Variants in EIF2AK4 observed in about 807,000 individuals in gnomAD.
EIF2AK4 encodes the protein eIF-2-alpha kinase GCN2.
A neutral mutation model predicts 211.1 loss-of-function variants in EIF2AK4; 139 were observed. That is an observed-to-expected ratio of 0.66 (90% CI 0.57 to 0.76). The LOEUF (loss-of-function observed/expected upper bound fraction) is 0.76. Ranked by LOEUF, EIF2AK4 falls within the 30% of genes least tolerant of loss-of-function variation. The probability of loss-of-function intolerance (pLI) is 0.00; values close to 1 mark genes in which losing one functional copy is unlikely to be tolerated. For synonymous variants in EIF2AK4, 710 were observed against 751.3 expected (o/e 0.94, Z 0.90); for missense variants, 1,664 against 2,043.8 (o/e 0.81, Z 3.58).
At chr15:39,967,319 T>G in intron 8 of EIF2AK4, 25 bp from the exon 9 acceptor site, 1 of 423,012 alleles carries the variant, frequency 2.4e-6, no homozygotes, top group South Asian at 8.4e-5. Context: ...CCCAATATTC[T>G]TTTTTTTTTT....
intron 1 of EIF2AK4, among the ~76,000 whole-genome samples, chr15:39,934,622 CCATAA>C (rs972883314): frequency 6.6e-6 from 1 of 152,206 alleles, no homozygotes; most frequent in Non-Finnish European, 1.5e-5. Context: ...TGCCTACATC[CCATAA>C]CATAACTGCC....
chr15:40,014,172 G>A (rs886288751), intron 27 of EIF2AK4, among the ~76,000 whole-genome samples: 1 of 152,234 alleles, frequency 6.6e-6, no homozygotes, highest in African/African-American at 2.4e-5. Context: ...AGGCTCCCAT[G>A]GCCTTGGGCA....
intron 21 of EIF2AK4, chr15:40,002,504 T>C (rs1410003126): frequency 1.2e-5 from 6 of 496,756 alleles, no homozygotes; most frequent in Non-Finnish European, 2.2e-5. Flanking sequence ...TTCCCATTGG[T>C]TGAAAGGTTA....
chr15:39,953,168 T>C lies in EIF2AK4; in HGVS notation c.514-736T>C, dbSNP rs897910967. On this transcript the variant is annotated intron_variant, in intron 4 of 38. Coordinates refer to ENST00000263791, the MANE Select transcript of EIF2AK4 (RefSeq NM_001013703.4). ...GCCGGGAGTCTGTAGTTTATTATTG[T>C]CCTTGTTGTTAGGAAGGCTAATTTT... Among the ~76,000 whole-genome samples the C allele has an allele frequency of 7.2e-5, 11 of 152,206 alleles. 1 individual carries two copies. The highest frequency in any genetic ancestry group is 3.9e-4 in the Admixed American group (6 of 15,286).
intron 18 of EIF2AK4, among the ~76,000 whole-genome samples, chr15:39,995,040 C>G (rs1420440504): frequency 1.3e-5 from 2 of 152,080 alleles, no homozygotes; most frequent in Non-Finnish European, 2.9e-5. Flanking sequence ...CAGGGTTTCA[C>G]CATGTTGGCC....
At chr15:40,015,250 A>T (rs1174772822) in intron 27 of EIF2AK4, among the ~76,000 whole-genome samples, 1 of 152,054 alleles carries the variant, frequency 6.6e-6, no homozygotes. Context: ...ACCGGTACCA[A>T]TTTACTGTAT....
At chr15:39,998,647 A>G in intron 19 of EIF2AK4, 84 bp from the exon 20 acceptor site, 4 of 1,083,448 alleles carry the variant, frequency 3.7e-6, no homozygotes, top group Non-Finnish European at 5.5e-6. Flanking sequence ...TTATTTCTGT[A>G]TTTGATTTTC....
intron 36 of EIF2AK4, 105 bp from the exon 37 acceptor site, chr15:40,032,652 C>T: frequency 9.9e-7 from 1 of 1,014,264 alleles, no homozygotes; most frequent in Non-Finnish European, 1.5e-6. Context: ...AATAGCATCT[C>T]AGACTCTGCA....
At chr15:39,935,224 G>A (rs889682825) in intron 1 of EIF2AK4, among the ~76,000 whole-genome samples, 4 of 152,082 alleles carry the variant, frequency 2.6e-5, no homozygotes, top group Non-Finnish European at 5.9e-5. Flanking sequence ...ATTAAGGCAC[G>A]TTATAAAGTA....
intron 4 of EIF2AK4, among the ~76,000 whole-genome samples, chr15:39,952,844 T>C (rs945843919): frequency 1.1e-4 from 17 of 152,152 alleles, no homozygotes; most frequent in African/African-American, 4.1e-4. Context: ...TTTTTATTAT[T>C]TTTATTTTAT....
intron 16 of EIF2AK4, chr15:39,991,270 C>G (rs1451043662): frequency 1.3e-5 from 2 of 152,256 alleles, no homozygotes; most frequent in African/African-American, 4.8e-5. Context: ...CGATCATGCT[C>G]CCCATGGAGT....
chr15:40,034,301 T>TA (rs779424267), intron 37 of EIF2AK4, 25 bp from the exon 38 acceptor site: 7 of 1,594,006 alleles, frequency 4.4e-6, no homozygotes, highest in Non-Finnish European at 6.0e-6. Flanking sequence ...GACCTGTTGT[T>TA]AAGTCTTATC....
In EIF2AK4 at chr15:39,985,904, G is replaced by C. The variant is rs1394234939; in HGVS notation, c.2403+16G>C. 1 of 1,612,006 alleles carries C rather than the reference G, an allele frequency of 6.2e-7. No individual in the cohort carries two copies. Among genetic ancestry groups the C allele is most frequent in the Non-Finnish European group, 8.5e-7 (1 of 1,178,672 alleles). ...ATACATCCAGGTGAGGTCGTGGTGT[G>C]TAGTTAGGTGACACAGCAACACCCA... is the stretch of plus-strand genomic sequence containing the variant. On this transcript the variant is annotated intron_variant, in intron 14 of 38. Transcript: ENST00000263791.
In EIF2AK4 at chr15:39,967,867, A is replaced by G; in HGVS notation, c.1541A>G (p.Asp514Gly). 6.2e-7 allele frequency: 1 copy of G among 1,613,588 alleles called. No homozygotes were observed. The highest frequency in any genetic ancestry group is 8.5e-7 in the Non-Finnish European group (1 of 1,179,604). The change falls in exon 9 of 39, where the codon GAT (aspartate) becomes GGT (glycine). Residue 514 changes from aspartate (D) to glycine (G), a missense_variant. Transcript: ENST00000263791. ...IPSDLPADFQ[D>G]FLKKCVCLDD... ...AGTGACTTACCAGCTGACTTTCAAGATTTTCTAAAGAAGTGAGTATCACTG... is the reference window on the plus strand; with the variant it reads ...AGTGACTTACCAGCTGACTTTCAAGGTTTTCTAAAGAAGTGAGTATCACTG...
At chr15:39,963,008 T>C (rs1278575237) in intron 7 of EIF2AK4, among the ~76,000 whole-genome samples, 2 of 152,212 alleles carry the variant, frequency 1.3e-5, no homozygotes, top group Non-Finnish European at 2.9e-5. Flanking sequence ...TGGGATCTTT[T>C]CCCCTTCCTC....
At chr15:39,983,774 G>A (rs776129906) in intron 13 of EIF2AK4, among the ~76,000 whole-genome samples, 5 of 152,180 alleles carry the variant, frequency 3.3e-5, no homozygotes, top group Non-Finnish European at 5.9e-5. Flanking sequence ...TGGACAGATT[G>A]CAAAAATTTT....
intron 23 of EIF2AK4, 65 bp downstream of exon 23, chr15:40,003,379 G>C (rs778979458): frequency 2.7e-5 from 42 of 1,584,470 alleles, no homozygotes; most frequent in Middle Eastern, 3.5e-4. Context: ...TGGCATCTCT[G>C]TTAAAGGATT....
chr15:39,989,049 AGTT>A (rs2034906552), intron 15 of EIF2AK4, among the ~76,000 whole-genome samples: 1 of 152,178 alleles, frequency 6.6e-6, no homozygotes, highest in Non-Finnish European at 1.5e-5. Context: ...ATACCTGCCA[AGTT>A]ACTTGATTCT....
At chr15:40,032,048 T>G in intron 35 of EIF2AK4, 121 bp from the exon 36 acceptor site, 2 of 872,966 alleles carry the variant, frequency 2.3e-6, no homozygotes, top group East Asian at 2.5e-5. Flanking sequence ...TTAGACACCA[T>G]TTGGAATCCT....
Sources: gnomAD v4.1 joint callset for allele counts (sites outside exome capture counted in the v4.1 genomes callset) on GRCh38, gnomAD v4.1.1 for gene constraint, MANE v1.5 for transcripts, NCBI Gene and HGNC (gene_info 2026-07-23, HGNC 2026-07-21) for gene names.